The following RNF5 variants were observed in gnomAD, a reference collection of about 807,000 sequenced individuals.
RNF5 encodes the protein ring finger protein 5, also known as E3 ubiquitin-protein ligase RNF5.
A neutral mutation model predicts 24.4 loss-of-function variants in RNF5; 16 were observed. That is an observed-to-expected ratio of 0.66 (90% CI 0.44 to 1.00). The LOEUF (loss-of-function observed/expected upper bound fraction) is 1.00. Ranked by LOEUF, RNF5 falls within the 50% of genes least tolerant of loss-of-function variation. The pLI is 0.00. For missense variants in RNF5, 185 were observed against 236.7 expected, an observed-to-expected ratio of 0.78 and a Z score of 1.43; for synonymous variants, 64 against 88.5, an observed-to-expected ratio of 0.72 and a Z score of 1.55.
At position 32,178,603 on chromosome 6, in the gene RNF5, T is replaced by A; in HGVS notation, c.92T>A (p.Leu31Ter). Residue 31 changes from leucine (L) to a stop codon, truncating the protein, a stop_gained, in exon 1 of 6, where the codon TTG becomes TAG. Transcript: ENST00000375094. LOFTEE classifies it high-confidence loss of function. ...AGATFECNIC[L>*]ETAREAVVSV... The stretch of plus-strand genomic sequence containing the variant: ...GCGACCTTCGAATGTAATATATGTT[T>A]GGAGACTGCTCGGGAAGCTGTGGTC... 1 of 1,610,828 alleles carries A rather than the reference T, an allele frequency of 6.2e-7. No homozygotes were observed. Among genetic ancestry groups the A allele is most frequent in the Non-Finnish European group, 8.5e-7 (1 of 1,179,548 alleles).
rs757472556 is a variant in RNF5, at chr6:32,180,125, A to G, written c.444A>G (p.Thr148=). 1.9e-6 allele frequency: 3 copies of G among 1,613,780 alleles called. No individual in the cohort carries two copies. The South Asian group carries it at 3.3e-5, about 18-fold the overall frequency. The part of the protein sequence containing the change: ...FNAHEPFRRG[T]GVDLGQGHPA... ...CCCATGAGCCTTTCCGCCGGGGTAC[A>G]GGTAAGAGTCACACTCAGCTCCCAT... Residue 148 remains threonine, a splice_region_variant and synonymous_variant, in exon 5 of 6, where the codon ACA becomes ACG. Coordinates refer to ENST00000375094, the MANE Select transcript of RNF5 (RefSeq NM_006913.4).
Position 32,179,948 on chromosome 6 carries a change from A to T in RNF5, c.327+17A>T. On this transcript the variant is annotated intron_variant, in intron 4 of 5. Transcript: ENST00000375094. The surrounding 1 kb of genome is among the most constrained non-coding windows in gnomAD (Gnocchi z 5.4). Reference sequence around the variant, plus strand: ...AGCAGAGGGGTGAGTCTTCTTGTCCAGTTGTGTCCCTTCCTTGACAGATTT... The same window carrying T: ...AGCAGAGGGGTGAGTCTTCTTGTCCTGTTGTGTCCCTTCCTTGACAGATTT... The T allele has an allele frequency of 6.2e-7, 1 of 1,614,200 alleles. No homozygotes were observed. The highest frequency in any genetic ancestry group is 8.5e-7 in the Non-Finnish European group (1 of 1,180,030).
In RNF5 at chr6:32,180,445, C is replaced by T. The variant is rs1786001786; in HGVS notation, c.*119C>T. The T allele has an allele frequency of 2.2e-6, 2 of 906,640 alleles. No individual in the cohort carries two copies. The highest frequency in any genetic ancestry group is 3.5e-6 in the Non-Finnish European group (2 of 567,620). The allele number at this position is 906,640 out of a possible 1,614,324, so 56.2% of individuals were successfully genotyped here. A position where few individuals can be genotyped will look rare whatever the true frequency, so the allele number is the denominator to read the frequency against. On this transcript the variant is annotated 3_prime_UTR_variant, in exon 6 of 6. Transcript: ENST00000375094. ...TCTATTTCTGTTGGCTAAGGCCAGC[C>T]CTGGACATTGTCCAGGAAGGCCTGG...
intron 5 of RNF5, 43 bp downstream of exon 5, chr6:32,180,169 C>T (rs1785974065): frequency 6.2e-7 from 1 of 1,609,090 alleles, no homozygotes; most frequent in Non-Finnish European, 8.5e-7. Context: ...CCTGTGAATC[C>T]CCTCAGGCCC....
chr6:32,179,725 G>A lies in RNF5; in HGVS notation c.234G>A (p.Pro78=), dbSNP rs754596503. 3.7e-6 allele frequency: 6 copies of A among 1,614,128 alleles called. No individual in the cohort carries two copies. The highest frequency in any genetic ancestry group is 1.7e-5 in the Admixed American group (1 of 60,022). The change falls in exon 3 of 6, where the codon CCG becomes CCA. Residue 78 remains proline, a synonymous_variant. Transcript: ENST00000375094. This position sits in a 1 kb window ranked among gnomAD's most constrained non-coding sequence, Gnocchi z 5.4. ...KAGISREKVV[P]LYGRGSQKPQ... ...GGATCAGCAGAGAGAAGGTTGTCCCGCTTTATGGGCGAGGGAGCCAGAAGC... is the reference window on the plus strand; with the variant it reads ...GGATCAGCAGAGAGAAGGTTGTCCCACTTTATGGGCGAGGGAGCCAGAAGC...
chr6:32,178,441 C>G lies in RNF5; in HGVS notation c.-71C>G. ...AACGATCGTGGGCAGGAGGTGGTTTCTGGTTTGTTGGGGCGTGTGTATGTG... is the reference window on the plus strand; with the variant it reads ...AACGATCGTGGGCAGGAGGTGGTTTGTGGTTTGTTGGGGCGTGTGTATGTG... On this transcript the variant is annotated 5_prime_UTR_variant, in exon 1 of 6. Transcript: ENST00000375094. 7.4e-7 allele frequency: 1 copy of G among 1,352,900 alleles called. No homozygotes were observed. The highest frequency in any genetic ancestry group is 2.8e-5 in the Admixed American group (1 of 35,834). The allele number at this position is 1,352,900 out of a possible 1,614,324, so 83.8% of individuals were successfully genotyped here.
At position 32,180,329 on chromosome 6, in the gene RNF5, T is replaced by C; in HGVS notation, c.*3T>C. ...TTTTTTGGCTGCTCAGTATTTGAGC[T>C]ATGTCTGCTTCCTGCCCACCTCCAG... On this transcript the variant is annotated 3_prime_UTR_variant, in exon 6 of 6. Transcript: ENST00000375094. 1 of 1,602,172 alleles carries C rather than the reference T, an allele frequency of 6.2e-7. No homozygotes were observed. The highest frequency in any genetic ancestry group is 8.5e-7 in the Non-Finnish European group (1 of 1,178,712).
Position 32,178,619 on chromosome 6 carries a change from A to T in RNF5, c.108A>T (p.Glu36Asp). The change falls in exon 1 of 6, where the codon GAA becomes GAT. Residue 36 changes from glutamate (E) to aspartate (D), a missense_variant. Transcript: ENST00000375094. ...ATATATGTTTGGAGACTGCTCGGGA[A>T]GCTGTGGTCAGTGTGTGTGGCCACC... ...ECNICLETAR[E>D]AVVSVCGHLY... 6.2e-7 allele frequency: 1 copy of T among 1,610,788 alleles called. No homozygotes were observed. Among genetic ancestry groups the T allele is most frequent in the African/African-American group, 1.3e-5 (1 of 74,874 alleles).
Position 32,179,034 on chromosome 6 carries a change from A to G in RNF5, c.140+383A>G, listed in dbSNP as rs1395299413. Among the ~76,000 whole-genome samples the G allele has an allele frequency of 1.3e-5, 2 of 152,134 alleles. No homozygotes were observed. The highest frequency in any genetic ancestry group is 2.9e-5 in the Non-Finnish European group (2 of 68,026). On this transcript the variant is annotated intron_variant, in intron 1 of 5. Coordinates refer to ENST00000375094, the MANE Select transcript of RNF5 (RefSeq NM_006913.4). This position sits in a 1 kb window ranked among gnomAD's most constrained non-coding sequence, Gnocchi z 5.4. ...GTTGAGTCGGGGAGAACCAGGAAAT[A>G]TGGATCACATTCAGATGAGATCTGG...
At position 32,180,225 on chromosome 6, in the gene RNF5, A is replaced by G; in HGVS notation, c.446-4A>G. On this transcript the variant is annotated splice_region_variant and splice_polypyrimidine_tract_variant and intron_variant, in intron 5 of 5. Coordinates refer to ENST00000375094, the MANE Select transcript of RNF5 (RefSeq NM_006913.4). ...TGCTTCCACAGCTTTCCTCTCTCCC[A>G]CAGGTGTGGATCTGGGACAGGGTCA... The G allele has an allele frequency of 6.2e-7, 1 of 1,612,470 alleles. No individual in the cohort carries two copies. The highest frequency in any genetic ancestry group is 8.5e-7 in the Non-Finnish European group (1 of 1,179,738).
Position 32,179,659 on chromosome 6 carries a change from G to C in RNF5, c.168G>C (p.Glu56Asp), listed in dbSNP as rs1561862772. 1.2e-6 allele frequency: 2 copies of C among 1,614,150 alleles called. No homozygotes were observed. The highest frequency in any genetic ancestry group is 1.7e-5 in the Admixed American group (1 of 60,018). ...YCWPCLHQWL[E>D]TRPERQECPV... ...ACCTTTTTTCTCCCCAGTGGCTGGA[G>C]ACACGGCCAGAACGGCAAGAGTGTC... is the stretch of plus-strand genomic sequence containing the variant. The change falls in exon 3 of 6, where the codon GAG becomes GAC. Residue 56 changes from glutamate (E) to aspartate (D), a missense_variant. Physicochemically the swap from Glu to Asp is conservative, Grantham distance 45. Coordinates refer to ENST00000375094, the MANE Select transcript of RNF5 (RefSeq NM_006913.4). This position sits in a 1 kb window ranked among gnomAD's most constrained non-coding sequence, Gnocchi z 5.4.
At chr6:32,178,753 G>A (rs1454296377) in intron 1 of RNF5, 102 bp downstream of exon 1, 2 of 1,198,146 alleles carry the variant, frequency 1.7e-6, no homozygotes, top group African/African-American at 1.5e-5. Context: ...CGGAGGGCAC[G>A]TTCCCATAGG....
intron 1 of RNF5, 38 bp downstream of exon 1, chr6:32,178,689 C>T (rs1256469230): frequency 2.5e-6 from 4 of 1,597,098 alleles, no homozygotes; most frequent in Non-Finnish European, 3.4e-6. Context: ...TGGTGGGTCT[C>T]GCTTATATAC....
At position 32,179,529 on chromosome 6, in the gene RNF5, TCCCC is replaced by T; in HGVS notation, c.141-10_141-7del. The T allele has an allele frequency of 6.2e-7, 1 of 1,611,382 alleles. No individual in the cohort carries two copies. The highest frequency in any genetic ancestry group is 1.7e-5 in the Admixed American group (1 of 59,874). ...CTAGTTTGACCTTTTTTTTTTTTTC[TCCCC>T]CATCCAGTTGGCCATGTCTTCATCA... is the stretch of plus-strand genomic sequence containing the variant. On this transcript the variant is annotated splice_polypyrimidine_tract_variant and splice_region_variant and intron_variant, in intron 1 of 5. Transcript: ENST00000375094. The surrounding 1 kb of genome is among the most constrained non-coding windows in gnomAD (Gnocchi z 5.4).
Position 32,178,635 on chromosome 6 carries a change from T to A in RNF5, c.124T>A (p.Cys42Ser). The A allele has an allele frequency of 6.2e-7, 1 of 1,610,768 alleles. No individual in the cohort carries two copies. Among genetic ancestry groups the A allele is most frequent in the South Asian group, 1.1e-5 (1 of 91,042 alleles). Reference sequence around the variant, plus strand: ...TGCTCGGGAAGCTGTGGTCAGTGTGTGTGGCCACCTGTACTGGTGAGAATC... The same window carrying A: ...TGCTCGGGAAGCTGTGGTCAGTGTGAGTGGCCACCTGTACTGGTGAGAATC... ...ETAREAVVSV[C>S]GHLYCWPCLH... Residue 42 changes from cysteine (C) to serine (S), a missense_variant, in exon 1 of 6, where the codon TGT becomes AGT. Coordinates refer to ENST00000375094, the MANE Select transcript of RNF5 (RefSeq NM_006913.4).
chr6:32,180,158 C>T, intron 5 of RNF5, 32 bp downstream of exon 5: 1 of 1,610,792 alleles, frequency 6.2e-7, no homozygotes, highest in Non-Finnish European at 8.5e-7. Flanking sequence ...CATCAGGGAG[C>T]CCTGTGAATC....
At position 32,178,736 on chromosome 6, in the gene RNF5, A is replaced by G. The variant is rs542472306; in HGVS notation, c.140+85A>G. On this transcript the variant is annotated intron_variant, in intron 1 of 5. Transcript: ENST00000375094. ...GGAGCGAATAATCATACAGTCATAC[A>G]GATAATCGGAGGGCACGTTCCCATA... is the stretch of plus-strand genomic sequence containing the variant. 33 of 1,370,926 alleles carry G rather than the reference A, an allele frequency of 2.4e-5. No individual in the cohort carries two copies. The South Asian group carries it at 3.1e-4, about 13-fold the overall frequency. 84.9% of individuals were successfully genotyped at this position (1,370,926 alleles called of 1,614,324 possible).
chr6:32,179,917 C>T lies in RNF5; in HGVS notation c.313C>T (p.Pro105Ser), dbSNP rs763466615. Residue 105 changes from proline (P) to serine (S), a missense_variant, in exon 4 of 6, where the codon CCG becomes TCG. Transcript: ENST00000375094. This position sits in a 1 kb window ranked among gnomAD's most constrained non-coding sequence, Gnocchi z 5.4. ...PPRPQGQRPA[P>S]ESRGGFQPFG... ...CCGCCCCCAGGGCCAGAGACCAGCT[C>T]CGGAGAGCAGAGGGGTGAGTCTTCT... 5 of 1,614,094 alleles carry T rather than the reference C, an allele frequency of 3.1e-6. No homozygotes were observed. The highest frequency in any genetic ancestry group is 1.1e-5 in the South Asian group (1 of 91,092).
At position 32,180,302 on chromosome 6, in the gene RNF5, C is replaced by A. The variant is rs1785987051; in HGVS notation, c.519C>A (p.Phe173Leu). The A allele has an allele frequency of 1.2e-6, 2 of 1,609,206 alleles. No individual in the cohort carries two copies. Among genetic ancestry groups the A allele is most frequent in the Admixed American group, 3.3e-5 (2 of 60,004 alleles). Residue 173 changes from phenylalanine to leucine, a missense_variant, in exon 6 of 6, where the codon TTC becomes TTA. Transcript: ENST00000375094. The part of the protein sequence containing the change: ...DSLFLFLAIF[F>L]FFWLLSI The stretch of plus-strand genomic sequence containing the variant: ...TCTTCCTGTTTCTCGCCATCTTCTT[C>A]TTTTTTTGGCTGCTCAGTATTTGAG...
Sources: gnomAD v4.1 joint callset for allele counts (sites outside exome capture counted in the v4.1 genomes callset) on GRCh38, gnomAD v4.1.1 for gene constraint, Gnocchi (gnomAD v3.1) non-coding constraint, MANE v1.5 for transcripts, NCBI Gene and HGNC (gene_info 2026-07-23, HGNC 2026-07-21) for gene names.